The following NPEPPS variants were observed in gnomAD, a reference collection of about 807,000 sequenced individuals.
The protein encoded by NPEPPS is aminopeptidase puromycin sensitive.
In NPEPPS, 14 loss-of-function variants were observed where a neutral mutation model predicts 115.5. The ratio of observed to expected loss-of-function variants is 0.12; its 90% CI spans 0.08 to 0.19. NPEPPS has a LOEUF of 0.19. NPEPPS is among the 10% of genes least tolerant of loss of function. NPEPPS has a pLI of 1.00. For synonymous variants in NPEPPS, 285 were observed against 390.6 expected (o/e 0.73, Z 3.19); for missense variants, 523 against 1,110.8 (o/e 0.47, Z 7.52).
chr17:47,622,015 C>G lies in NPEPPS; in HGVS notation c.*95C>G, dbSNP rs1474051048. 7.1e-7 allele frequency: 1 copy of G among 1,407,484 alleles called. No homozygotes were observed. The allele number at this position is 1,407,484 out of a possible 1,614,324, so 87.2% of individuals were successfully genotyped here. A position where few individuals can be genotyped will look rare whatever the true frequency, so the allele number is the denominator to read the frequency against. Reference sequence around the variant, plus strand: ...GATTCATATGCCAAGAATTTGGAGTCTTCTTTCAAACCAGTGGGGGTTGGA... The same window carrying G: ...GATTCATATGCCAAGAATTTGGAGTGTTCTTTCAAACCAGTGGGGGTTGGA... On this transcript the variant is annotated 3_prime_UTR_variant, in exon 23 of 23. Transcript: ENST00000322157.
chr17:47,544,364 CA>C (rs1169265038), intron 1 of NPEPPS, among the ~76,000 whole-genome samples: 2 of 152,088 alleles, frequency 1.3e-5, no homozygotes, highest in Admixed American at 6.6e-5. Flanking sequence ...AAAGTTTTGA[CA>C]TAATTTATAG....
upstream of NPEPPS, among the ~76,000 whole-genome samples, chr17:47,526,214 A>G (rs907732133): frequency 4.6e-5 from 7 of 152,208 alleles, no homozygotes; most frequent in Non-Finnish European, 8.8e-5. Context: ...CTCCATCTCA[A>G]AAAAAACCCA....
At chr17:47,571,522 T>C (rs1482179069) in intron 3 of NPEPPS, among the ~76,000 whole-genome samples, 1 of 152,022 alleles carries the variant, frequency 6.6e-6, no homozygotes, top group Non-Finnish European at 1.5e-5. Context: ...ATCGAGACCA[T>C]CCTGACTAAC....
At chr17:47,618,668 T>G (rs1384392422) in intron 20 of NPEPPS, among the ~76,000 whole-genome samples, 1 of 152,192 alleles carries the variant, frequency 6.6e-6, no homozygotes, top group African/African-American at 2.4e-5. Flanking sequence ...AAATTGTCTC[T>G]CCAGAATGGA....
At chr17:47,620,480 A>G (rs188407511) in intron 22 of NPEPPS, among the ~76,000 whole-genome samples, 1 of 152,320 alleles carries the variant, frequency 6.6e-6, no homozygotes, top group Non-Finnish European at 1.5e-5. Flanking sequence ...ATTTAGTTCA[A>G]CAATATTTAT....
intron 12 of NPEPPS, among the ~76,000 whole-genome samples, chr17:47,594,794 G>A (rs1189922511): frequency 1.3e-5 from 2 of 151,444 alleles, no homozygotes; most frequent in Middle Eastern, 3.4e-3. Context: ...CACCACGCCC[G>A]GCTAATTTTT....
upstream of NPEPPS, among the ~76,000 whole-genome samples, chr17:47,526,803 G>A (rs1485206364): frequency 7.3e-5 from 11 of 151,606 alleles, no homozygotes; most frequent in East Asian, 2.2e-3. Flanking sequence ...CTAAAAATAC[G>A]AAAAATTAGC....
intron 5 of NPEPPS, among the ~76,000 whole-genome samples, chr17:47,584,556 G>A (rs1912071416): frequency 6.6e-6 from 1 of 152,132 alleles, no homozygotes; most frequent in South Asian, 2.1e-4. Context: ...TAGAAGAGGA[G>A]GCTAATATAT....
intron 1 of NPEPPS, among the ~76,000 whole-genome samples, chr17:47,524,805 A>ATT (rs58644203): frequency 1.2e-4 from 16 of 138,726 alleles, no homozygotes; most frequent in Non-Finnish European, 1.1e-4. Flanking sequence ...TGCCCGGCCA[A>ATT]TTTTTTTTTT....
At chr17:47,561,620 C>T (rs1044510206) in intron 2 of NPEPPS, among the ~76,000 whole-genome samples, 1 of 152,152 alleles carries the variant, frequency 6.6e-6, no homozygotes, top group Non-Finnish European at 1.5e-5. Flanking sequence ...CTTCAGAAAA[C>T]AGAATCTCTC....
chr17:47,594,479 T>G (rs1912718780), intron 12 of NPEPPS, among the ~76,000 whole-genome samples: 1 of 151,404 alleles, frequency 6.6e-6, no homozygotes, highest in South Asian at 2.1e-4. Flanking sequence ...GGTGCAGTCT[T>G]GGCTCACCAC....
chr17:47,526,240 A>G (rs963235296), upstream of NPEPPS, among the ~76,000 whole-genome samples: 1 of 152,142 alleles, frequency 6.6e-6, no homozygotes, highest in African/African-American at 2.4e-5. Context: ...AAACAAAAAC[A>G]ACATAATTAC....
At chr17:47,561,956 C>T (rs1419060087) in intron 2 of NPEPPS, among the ~76,000 whole-genome samples, 4 of 152,220 alleles carry the variant, frequency 2.6e-5, no homozygotes, top group Admixed American at 1.3e-4. Context: ...ATGCTTCAGT[C>T]GTGACTGTCC....
At chr17:47,610,407 CAG>C (rs1221547611) in intron 17 of NPEPPS, among the ~76,000 whole-genome samples, 2 of 150,354 alleles carry the variant, frequency 1.3e-5, no homozygotes, top group South Asian at 2.1e-4. Context: ...GGGGGGGTAA[CAG>C]AGTCTCACAC....
intron 19 of NPEPPS, 72 bp from the exon 20 acceptor site, chr17:47,618,278 A>C (rs1335550125): frequency 4.3e-6 from 4 of 940,762 alleles, no homozygotes; most frequent in African/African-American, 1.6e-5. Context: ...ACTGGGGAAG[A>C]AGCTCATATA....
At chr17:47,554,939 A>G (rs779121217) in intron 2 of NPEPPS, among the ~76,000 whole-genome samples, 26 of 152,294 alleles carry the variant, frequency 1.7e-4, no homozygotes, top group South Asian at 2.1e-4. Flanking sequence ...TCATCACACT[A>G]TTCAGAACAG....
At chr17:47,569,032 C>T (rs1911024480) in intron 2 of NPEPPS, among the ~76,000 whole-genome samples, 2 of 152,216 alleles carry the variant, frequency 1.3e-5, no homozygotes, top group Non-Finnish European at 2.9e-5. Flanking sequence ...GGGAACAGAC[C>T]TTTCCTTGAT....
chr17:47,567,318 C>T (rs1357672581), intron 2 of NPEPPS, among the ~76,000 whole-genome samples: 2 of 152,060 alleles, frequency 1.3e-5, no homozygotes, highest in Non-Finnish European at 2.9e-5. Flanking sequence ...GAGATTTTGG[C>T]TTTATAAAAA....
intron 2 of NPEPPS, among the ~76,000 whole-genome samples, chr17:47,561,707 A>C (rs113781635): frequency 6.6e-6 from 1 of 152,294 alleles, no homozygotes; most frequent in South Asian, 2.1e-4. Context: ...AATATACTCT[A>C]ATCATCCCCC....
Sources: allele counts gnomAD v4.1 joint callset (sites outside exome capture counted in the v4.1 genomes callset), GRCh38; gene constraint gnomAD v4.1.1; transcripts MANE v1.5; gene names NCBI Gene and HGNC (gene_info 2026-07-23, HGNC 2026-07-21).